The following SLC10A7 variants were observed in gnomAD, a reference collection of about 807,000 sequenced individuals.
SLC10A7 encodes sodium/bile acid cotransporter 7.
A neutral mutation model predicts 43.2 loss-of-function variants in SLC10A7; 29 were observed. The ratio of observed to expected loss-of-function variants is 0.67; its 90% CI spans 0.50 to 0.92. The LOEUF is 0.92. SLC10A7 is among the 40% of genes least tolerant of loss of function. The probability of loss-of-function intolerance (pLI) is 0.00; values close to 1 mark genes in which losing one functional copy is unlikely to be tolerated. For missense variants in SLC10A7, 295 were observed against 403.2 expected (o/e 0.73, Z 2.30); for synonymous variants, 152 against 144.8 (o/e 1.05, Z -0.35).
chr4:146,482,461 TTCAA>T (rs1313462136), intron 4 of SLC10A7, among the ~76,000 whole-genome samples: 6 of 151,862 alleles, frequency 4.0e-5, no homozygotes, highest in Admixed American at 3.9e-4. Context: ...AGCTGAAGAC[TTCAA>T]TCAATAAAAT....
chr4:146,322,686 G>A (rs1320810374), intron 6 of SLC10A7, among the ~76,000 whole-genome samples: 1 of 152,116 alleles, frequency 6.6e-6, no homozygotes, highest in African/African-American at 2.4e-5. Flanking sequence ...AAACATACGT[G>A]TGCATGTGTC....
At chr4:146,421,323 T>C (rs1728947933) in intron 5 of SLC10A7, among the ~76,000 whole-genome samples, 1 of 152,166 alleles carries the variant, frequency 6.6e-6, no homozygotes, top group Admixed American at 6.5e-5. Context: ...CCTTTTTCTT[T>C]TGTGTTTGTG....
intron 4 of SLC10A7, among the ~76,000 whole-genome samples, chr4:146,481,718 A>T (rs1466105641): frequency 1.3e-5 from 2 of 152,138 alleles, no homozygotes; most frequent in Admixed American, 6.5e-5. Context: ...AACTGCATCC[A>T]ATCATGCCTT....
intron 5 of SLC10A7, among the ~76,000 whole-genome samples, chr4:146,336,385 A>T (rs1390929255): frequency 6.6e-6 from 1 of 151,908 alleles, no homozygotes; most frequent in African/African-American, 2.4e-5. Flanking sequence ...TTCCTTTGTA[A>T]CTCCTTACAA....
chr4:146,343,562 A>G (rs1734414393), intron 5 of SLC10A7, among the ~76,000 whole-genome samples: 1 of 152,066 alleles, frequency 6.6e-6, no homozygotes, highest in Non-Finnish European at 1.5e-5. Context: ...CTTAAAGAAC[A>G]GAAAATATTA....
chr4:146,367,008 T>G (rs926596060), intron 5 of SLC10A7, among the ~76,000 whole-genome samples: 6 of 130,488 alleles, frequency 4.6e-5, no homozygotes, highest in African/African-American at 1.1e-4. Context: ...TGTTTTTTTG[T>G]TTTTTTTTGT....
At chr4:146,356,938 A>G (rs1735694759) in intron 5 of SLC10A7, among the ~76,000 whole-genome samples, 1 of 152,174 alleles carries the variant, frequency 6.6e-6, no homozygotes, top group African/African-American at 2.4e-5. Flanking sequence ...ACCTTTATTG[A>G]AAGTTTCCAA....
intron 5 of SLC10A7, among the ~76,000 whole-genome samples, chr4:146,331,568 C>T (rs1011984059): frequency 5.3e-5 from 8 of 152,150 alleles, no homozygotes; most frequent in Non-Finnish European, 1.2e-4. Context: ...ACTAGCTTTA[C>T]CATCCTGATG....
chr4:146,299,936 G>C (rs11735261), intron 7 of SLC10A7, among the ~76,000 whole-genome samples: 20,648 of 152,162 alleles, frequency 0.14, 1,448 homozygotes, highest in South Asian at 0.16. Flanking sequence ...GCCAGGGAGT[G>C]AGGTGAATGA....
chr4:146,261,008 G>T (rs6537407), intron 10 of SLC10A7, among the ~76,000 whole-genome samples: 87,417 of 152,074 alleles, frequency 0.57, 25,617 homozygotes, highest in East Asian at 0.8. Context: ...TCAAGAAGCT[G>T]AAGGTGGACA....
chr4:146,300,598 T>C (rs574757466), intron 7 of SLC10A7, among the ~76,000 whole-genome samples: 4 of 152,284 alleles, frequency 2.6e-5, no homozygotes, highest in African/African-American at 2.4e-5. Flanking sequence ...GCAGCACTTA[T>C]ATAATAACAT....
chr4:146,306,049 C>A, intron 6 of SLC10A7, 40 bp from the exon 7 acceptor site: 1 of 1,505,778 alleles, frequency 6.6e-7, no homozygotes. Flanking sequence ...TACTTCAAAT[C>A]AGTTATCAAG....
At chr4:146,327,617 G>A (rs1445579058) in intron 5 of SLC10A7, among the ~76,000 whole-genome samples, 1 of 152,208 alleles carries the variant, frequency 6.6e-6, no homozygotes, top group Admixed American at 6.5e-5. Flanking sequence ...CTTATATACT[G>A]GGTACTGGGC....
chr4:146,441,913 T>G (rs1730631479), intron 5 of SLC10A7: 1 of 982,552 alleles, frequency 1.0e-6, no homozygotes, highest in African/African-American at 1.7e-5. Flanking sequence ...CAGAGCATTT[T>G]AAACAGAGGT....
chr4:146,504,952 C>T (rs1023220563), intron 3 of SLC10A7, among the ~76,000 whole-genome samples: 1 of 152,104 alleles, frequency 6.6e-6, no homozygotes, highest in Non-Finnish European at 1.5e-5. Context: ...GCAAATGAAA[C>T]TATGAGTAAT....
rs139271726 is a variant in SLC10A7 at position 146,395,417 on chromosome 4, C to A, written c.435+47366G>T. Among the ~76,000 whole-genome samples the A allele has an allele frequency of 1.1e-3, 171 of 152,192 alleles. 1 individual carries two copies. The East Asian group carries it at 0.019, about 17-fold the overall frequency. On this transcript the variant is annotated intron_variant, in intron 5 of 11. Transcript: ENST00000335472. Reference sequence around the variant, plus strand: ...AAGAAACAAACAAATAAAACCCCCACACAGTTGCTACTATCTTGTATTTCA... The same window carrying A: ...AAGAAACAAACAAATAAAACCCCCAAACAGTTGCTACTATCTTGTATTTCA...
At chr4:146,360,099 C>T (rs1228349850) in intron 5 of SLC10A7, among the ~76,000 whole-genome samples, 2 of 152,124 alleles carry the variant, frequency 1.3e-5, no homozygotes, top group African/African-American at 4.8e-5. Flanking sequence ...AACTCCTCTC[C>T]CTCTCACCTG....
At chr4:146,337,571 C>G (rs1733976518) in intron 5 of SLC10A7, among the ~76,000 whole-genome samples, 1 of 151,940 alleles carries the variant, frequency 6.6e-6, no homozygotes, top group Non-Finnish European at 1.5e-5. Flanking sequence ...AAAACACCAC[C>G]ATCATAAAAA....
At chr4:146,456,659 G>C (rs1025724792) in intron 4 of SLC10A7, among the ~76,000 whole-genome samples, 1 of 151,936 alleles carries the variant, frequency 6.6e-6, no homozygotes, top group Non-Finnish European at 1.5e-5. Context: ...TGCTCTCTCA[G>C]AGAACATCAA....
Sources: gnomAD v4.1 joint callset for allele counts (sites outside exome capture counted in the v4.1 genomes callset) on GRCh38, gnomAD v4.1.1 for gene constraint, MANE v1.5 for transcripts, NCBI Gene and HGNC (gene_info 2026-07-23, HGNC 2026-07-21) for gene names.